TENM2: variants seen among roughly 807,000 people sequenced by gnomAD.
TENM2 encodes teneurin-2.
In TENM2, 52 loss-of-function variants were observed where a neutral mutation model predicts 245.2. The ratio of observed to expected loss-of-function variants is 0.21; its 90% CI spans 0.17 to 0.27. The LOEUF (loss-of-function observed/expected upper bound fraction) is 0.27. Ranked by LOEUF, TENM2 falls within the 10% of genes least tolerant of loss-of-function variation. TENM2 has a pLI of 1.00. For missense variants in TENM2, 3,046 were observed against 3,666.8 expected (o/e 0.83, Z 4.37); for synonymous variants, 1,363 against 1,438.9 (o/e 0.95, Z 1.19).
At chr5:167,616,133 T>C (rs1390156173) in intron 2 of TENM2, among the ~76,000 whole-genome samples, 1 of 152,182 alleles carries the variant, frequency 6.6e-6, no homozygotes, top group Non-Finnish European at 1.5e-5. Context: ...TTATTGGAGA[T>C]GTTAGCATCA....
At position 167,801,108 on chromosome 5, in the gene TENM2, AAATATATATATATATATATAT is replaced by A. The variant is rs1381664209; in HGVS notation, c.503-74876_503-74856del. Among the ~76,000 whole-genome samples the A allele has an allele frequency of 1.1e-4, 6 of 55,872 alleles. No individual in the cohort carries two copies. The Admixed American group carries it at 1.2e-3, about 12-fold the overall frequency. The allele number at this position is 55,872 out of a possible 152,430, so 36.7% of individuals were successfully genotyped here. A position where few individuals can be genotyped will look rare whatever the true frequency, so the allele number is the denominator to read the frequency against. On this transcript the variant is annotated intron_variant, in intron 2 of 28. Transcript: ENST00000518659. ...TGTATTTGAAAAGAAAAAAAAAAAA[AAATATATATATATATATATAT>A]ATATATATATATATATATATATATG...
intron 23 of TENM2, among the ~76,000 whole-genome samples, chr5:168,224,348 C>G (rs1410603709): frequency 6.6e-6 from 1 of 152,148 alleles, no homozygotes; most frequent in African/African-American, 2.4e-5. Flanking sequence ...GATCTCCCTC[C>G]TCTCTCCCCC....
At chr5:167,732,470 A>T (rs1274058373) in intron 2 of TENM2, among the ~76,000 whole-genome samples, 1 of 152,194 alleles carries the variant, frequency 6.6e-6, no homozygotes, top group Admixed American at 6.5e-5. Context: ...AACTGGATAC[A>T]TTATTGTTTT....
chr5:168,128,555 C>A (rs1030417504), intron 12 of TENM2, among the ~76,000 whole-genome samples: 6 of 152,210 alleles, frequency 3.9e-5, no homozygotes, highest in African/African-American at 1.2e-4. Context: ...ATCTGGGGGA[C>A]AGAGGGGCAG....
intron 2 of TENM2, among the ~76,000 whole-genome samples, chr5:167,547,607 G>A (rs897167597): frequency 2.0e-5 from 3 of 152,168 alleles, no homozygotes; most frequent in African/African-American, 7.2e-5. Flanking sequence ...AGACAGTGGA[G>A]CTACCCGGGG....
chr5:167,707,834 G>A (rs1758637100), intron 2 of TENM2, among the ~76,000 whole-genome samples: 1 of 152,150 alleles, frequency 6.6e-6, no homozygotes, highest in Admixed American at 6.5e-5. Context: ...AGCTGCCTCA[G>A]CTTTAATAAA....
chr5:168,009,097 G>A (rs957019355), intron 5 of TENM2, among the ~76,000 whole-genome samples: 1 of 152,106 alleles, frequency 6.6e-6, no homozygotes, highest in African/African-American at 2.4e-5. Context: ...CAAATTCTGC[G>A]AACCAAGAAG....
chr5:167,043,377 T>C, the TENM2 span, among the ~76,000 whole-genome samples: 16 of 152,350 alleles, frequency 1.1e-4, no homozygotes, highest in Admixed American at 2.0e-4. Flanking sequence ...AAGGAATGTT[T>C]ATTTCTGTCG....
chr5:167,889,413 AATCTGTTCCATCTG>A (rs1306257928), intron 3 of TENM2, among the ~76,000 whole-genome samples: 3 of 152,162 alleles, frequency 2.0e-5, no homozygotes, highest in East Asian at 3.8e-4. Flanking sequence ...ATCGCATTTC[AATCTGTTCCATCTG>A]ATTGGATACC....
chr5:167,134,764 G>A, the TENM2 span, among the ~76,000 whole-genome samples: 1 of 152,170 alleles, frequency 6.6e-6, no homozygotes, highest in African/African-American at 2.4e-5. Flanking sequence ...TATTATCTTA[G>A]AACATATTTT....
In TENM2 at chr5:167,366,636, T is replaced by C. The variant is rs185865712; in HGVS notation, c.227-8562T>C. Among the ~76,000 whole-genome samples, 6 of 152,318 alleles carry C rather than the reference T, an allele frequency of 3.9e-5. No homozygotes were observed. In the East Asian group the frequency reaches 9.6e-4, roughly 24 times the overall value. On this transcript the variant is annotated intron_variant, in intron 1 of 28. Coordinates refer to ENST00000518659, the Ensembl canonical transcript of TENM2. The stretch of plus-strand genomic sequence containing the variant: ...TCCTGATTTTCTTAACCTTAGGCTA[T>C]ATGGTGACTGTTTTGTAGGGCTGCT...
intron 2 of TENM2, among the ~76,000 whole-genome samples, chr5:167,723,382 C>A (rs1759768226): frequency 6.6e-6 from 1 of 152,180 alleles, no homozygotes; most frequent in African/African-American, 2.4e-5. Context: ...ATTCTCCAGT[C>A]TCCCCACCCT....
chr5:167,461,738 G>T (rs936465163), intron 2 of TENM2, among the ~76,000 whole-genome samples: 4 of 151,972 alleles, frequency 2.6e-5, no homozygotes, highest in Non-Finnish European at 5.9e-5. Context: ...TAAACATATG[G>T]CATAAAACAT....
Position 167,752,261 on chromosome 5 carries a change from ATTTTTTTTT to A in TENM2, c.503-123709_503-123701del, listed in dbSNP as rs575290973. 3.7e-4 allele frequency among the ~76,000 whole-genome samples: 46 copies of A among 123,350 alleles called. No homozygotes were observed. In the Middle Eastern group the frequency reaches 0.014, roughly 38 times the overall value. The allele number at this position is 123,350 out of a possible 152,430, so 80.9% of individuals were successfully genotyped here. ...AGGTGCCCGCCACCATGCCCAGCTA[ATTTTTTTTT>A]TTTTTTTTTTTTTTTGTATTTTAAG... On this transcript the variant is annotated intron_variant, in intron 2 of 28. Coordinates refer to ENST00000518659, the Ensembl canonical transcript of TENM2.
the TENM2 span, among the ~76,000 whole-genome samples, chr5:167,175,828 G>GC: frequency 3.3e-5 from 5 of 152,164 alleles, no homozygotes; most frequent in African/African-American, 9.7e-5. Context: ...CCCTGCCTCA[G>GC]CCCCCCGAGT....
chr5:168,190,479 C>T, exon 14 of TENM2: 1 of 1,614,016 alleles, frequency 6.2e-7, no homozygotes. Context: ...CCTTCTATGA[C>T]CGTATCAAGC....
intron 2 of TENM2, among the ~76,000 whole-genome samples, chr5:167,562,259 C>G (rs1773641171): frequency 6.6e-6 from 1 of 152,172 alleles, no homozygotes; most frequent in African/African-American, 2.4e-5. Flanking sequence ...ATATTAAGAG[C>G]TCTAACATCC....
the TENM2 span, among the ~76,000 whole-genome samples, chr5:167,154,885 A>G: frequency 6.6e-6 from 1 of 152,240 alleles, no homozygotes; most frequent in African/African-American, 2.4e-5. Context: ...AAAGTACTCA[A>G]TAGACATAAG....
rs1227700479 is a variant in TENM2 at position 167,727,104 on chromosome 5, C to CTTTTTT, written c.503-148864_503-148859dup. Among the ~76,000 whole-genome samples, 294 of 96,082 alleles carry CTTTTTT rather than the reference C, an allele frequency of 3.1e-3. 6 individuals are homozygous for CTTTTTT. Among genetic ancestry groups the CTTTTTT allele is most frequent in the Non-Finnish European group, 4.3e-3 (222 of 51,356 alleles). 63.0% of individuals were successfully genotyped at this position (96,082 alleles called of 152,430 possible). ...AAATCAGTAATGAATCCATTAATTTCTTTTTTTTTTTTTTTTTTTTTTTGA... is the reference window on the plus strand; with the variant it reads ...AAATCAGTAATGAATCCATTAATTTCTTTTTTTTTTTTTTTTTTTTTTTTTTTTTGA... On this transcript the variant is annotated intron_variant, in intron 2 of 28. Transcript: ENST00000518659.
Sources: gnomAD v4.1 joint callset for allele counts (sites outside exome capture counted in the v4.1 genomes callset) on GRCh38, gnomAD v4.1.1 for gene constraint, MANE v1.5 for transcripts, NCBI Gene and HGNC (gene_info 2026-07-23, HGNC 2026-07-21) for gene names.